Variants in EPB41L3 observed in about 807,000 individuals in gnomAD.
EPB41L3 encodes erythrocyte membrane protein band 4.1 like 3, also known as band 4.1-like protein 3.
EPB41L3 carries 57 observed loss-of-function variants against 127.1 expected under a neutral mutation model. The ratio of observed to expected loss-of-function variants is 0.45; its 90% CI spans 0.36 to 0.56. The LOEUF (loss-of-function observed/expected upper bound fraction) is 0.56, where lower values mean the gene tolerates loss of function less well. EPB41L3 is among the 20% of genes least tolerant of loss of function. EPB41L3 has a pLI of 0.00. For missense variants in EPB41L3, 1,273 were observed against 1,372.2 expected (o/e 0.93, Z 1.14); for synonymous variants, 572 against 549.5 (o/e 1.04, Z -0.57).
chr18:5,629,770 T>G (rs2094970076), upstream of EPB41L3, among the ~76,000 whole-genome samples: 1 of 152,076 alleles, frequency 6.6e-6, no homozygotes, highest in Admixed American at 6.5e-5. Flanking sequence ...CCCACTCGCG[T>G]CCAGCCCACA....
intron 1 of EPB41L3, among the ~76,000 whole-genome samples, chr18:5,507,492 G>A (rs1287737005): frequency 6.6e-6 from 1 of 152,164 alleles, no homozygotes; most frequent in East Asian, 1.9e-4. Flanking sequence ...AACAGATTAT[G>A]TTCAGAGTTA....
At chr18:5,407,569 A>T in intron 15 of EPB41L3, 132 bp downstream of exon 15, 1 of 877,158 alleles carries the variant, frequency 1.1e-6, no homozygotes, top group Non-Finnish European at 1.8e-6. Flanking sequence ...ATGCCAACCT[A>T]CACACTGCAC....
Position 5,427,750 on chromosome 18 carries a change from A to AT in EPB41L3, c.1065+562dup, listed in dbSNP as rs200489368. 5.4e-3 allele frequency among the ~76,000 whole-genome samples: 794 copies of AT among 147,252 alleles called. 6 individuals carry two copies. Among genetic ancestry groups the AT allele is most frequent in the African/African-American group, 0.015 (618 of 40,514 alleles). On this transcript the variant is annotated intron_variant, in intron 9 of 22. Coordinates refer to ENST00000341928, the MANE Select transcript of EPB41L3 (RefSeq NM_012307.5). Reference sequence around the variant, plus strand: ...ACACAAAATTATTAATGATACTGGAATTTTTTTTTTTTTGAGACGGAGTCT... The same window carrying AT: ...ACACAAAATTATTAATGATACTGGAATTTTTTTTTTTTTTGAGACGGAGTCT...
At chr18:5,585,155 T>G (rs1021092268) in intron 3 of EPB41L3, among the ~76,000 whole-genome samples, 18 of 152,336 alleles carry the variant, frequency 1.2e-4, no homozygotes, top group Admixed American at 7.8e-4. Flanking sequence ...TTTGAGTTCT[T>G]CCAATTTTTC....
chr18:5,618,683 C>A (rs143757102), intron 1 of EPB41L3, among the ~76,000 whole-genome samples: 24 of 152,096 alleles, frequency 1.6e-4, no homozygotes, highest in African/African-American at 4.3e-4. Flanking sequence ...TGTGAACAGA[C>A]GAAAGTCAAT....
chr18:5,527,010 TAAA>T (rs33920388), intron 1 of EPB41L3, among the ~76,000 whole-genome samples: 4 of 139,722 alleles, frequency 2.9e-5, no homozygotes, highest in African/African-American at 5.2e-5. Flanking sequence ...ATTCATTGGT[TAAA>T]AAAAAAAAAA....
intron 1 of EPB41L3, among the ~76,000 whole-genome samples, chr18:5,509,206 A>G (rs1240600695): frequency 6.6e-6 from 1 of 152,182 alleles, no homozygotes; most frequent in South Asian, 2.1e-4. Flanking sequence ...CAAAGAACAC[A>G]AGGTGGCCAG....
intron 3 of EPB41L3, among the ~76,000 whole-genome samples, chr18:5,555,254 C>G (rs1053828518): frequency 1.3e-5 from 2 of 152,152 alleles, no homozygotes; most frequent in Non-Finnish European, 2.9e-5. Context: ...CTCCCATCCC[C>G]TAGTCACTCT....
intron 5 of EPB41L3, among the ~76,000 whole-genome samples, chr18:5,439,838 C>G (rs1317748639): frequency 1.3e-5 from 2 of 152,136 alleles, no homozygotes; most frequent in Non-Finnish European, 2.9e-5. Flanking sequence ...TTCCCCCAAG[C>G]AAGTGGAATT....
intron 1 of EPB41L3, among the ~76,000 whole-genome samples, chr18:5,509,546 AG>A (rs2092411380): frequency 6.6e-6 from 1 of 152,216 alleles, no homozygotes. Flanking sequence ...TCAAAAGGTA[AG>A]TCAGCTAGCC....
chr18:5,499,441 TA>T (rs1441202522), intron 1 of EPB41L3, among the ~76,000 whole-genome samples: 3 of 151,546 alleles, frequency 2.0e-5, no homozygotes, highest in Non-Finnish European at 4.4e-5. Flanking sequence ...GTAAGTCAAA[TA>T]TTAATCAATT....
intron 3 of EPB41L3, among the ~76,000 whole-genome samples, chr18:5,453,806 G>C (rs183737568): frequency 1.3e-5 from 2 of 152,080 alleles, no homozygotes; most frequent in Admixed American, 6.5e-5. Flanking sequence ...GCAGGCATTC[G>C]ATCTATGTGT....
intron 16 of EPB41L3, chr18:5,400,120 G>A (rs1286866897): frequency 6.3e-6 from 1 of 159,292 alleles, no homozygotes; most frequent in East Asian, 1.9e-4. Context: ...TGGGACTACA[G>A]GCACATGCCA....
At chr18:5,440,747 CTA>C (rs1296818412) in intron 5 of EPB41L3, among the ~76,000 whole-genome samples, 1 of 152,134 alleles carries the variant, frequency 6.6e-6, no homozygotes, top group Non-Finnish European at 1.5e-5. Flanking sequence ...GATATATGCT[CTA>C]TGTCATAAAA....
intron 1 of EPB41L3, among the ~76,000 whole-genome samples, chr18:5,509,832 T>C (rs1220523209): frequency 6.6e-6 from 1 of 152,224 alleles, no homozygotes; most frequent in Non-Finnish European, 1.5e-5. Context: ...GTTTGCAATT[T>C]TACTACTTTT....
rs139317911 is a variant in EPB41L3, at chr18:5,406,871, G to A, written c.2255C>T (p.Thr752Met). ...FLETSTDTAV[T>M]NEWEKRLSTS... Reference sequence around the variant, plus strand: ...GGAAAGCCTCTTCTCCCATTCATTCGTTACGGCAGTGTCTGTTGAGGTTTC... The same window carrying A: ...GGAAAGCCTCTTCTCCCATTCATTCATTACGGCAGTGTCTGTTGAGGTTTC... The change falls in exon 16 of 23, where the codon ACG becomes ATG. Residue 752 changes from threonine (T) to methionine (M), a missense_variant. Thr to Met is a moderately conservative substitution (Grantham distance 81). Coordinates refer to ENST00000341928, the MANE Select transcript of EPB41L3 (RefSeq NM_012307.5). 51 of 1,614,024 alleles carry A rather than the reference G, an allele frequency of 3.2e-5. No individual in the cohort carries two copies. In the African/African-American group the frequency reaches 4.5e-4, roughly 14 times the overall value.
intron 1 of EPB41L3, among the ~76,000 whole-genome samples, chr18:5,497,801 A>G (rs2148452351): frequency 6.6e-6 from 1 of 152,240 alleles, no homozygotes; most frequent in East Asian, 1.9e-4. Flanking sequence ...AAGCAAATTT[A>G]AAACAGATTA....
At chr18:5,568,227 T>C (rs1427340418) in intron 3 of EPB41L3, among the ~76,000 whole-genome samples, 1 of 151,986 alleles carries the variant, frequency 6.6e-6, no homozygotes, top group Admixed American at 6.6e-5. Flanking sequence ...TTACATGCTA[T>C]ATAATCATTT....
chr18:5,566,525 G>T (rs1263162938), intron 3 of EPB41L3, among the ~76,000 whole-genome samples: 1 of 152,084 alleles, frequency 6.6e-6, no homozygotes, highest in Non-Finnish European at 1.5e-5. Flanking sequence ...CCGTGAAAAT[G>T]GCCATACTGC....
Sources: gnomAD v4.1 joint callset for allele counts (sites outside exome capture counted in the v4.1 genomes callset) on GRCh38, gnomAD v4.1.1 for gene constraint, MANE v1.5 for transcripts, NCBI Gene and HGNC (gene_info 2026-07-23, HGNC 2026-07-21) for gene names.